Variants in ZBTB46 observed in about 807,000 individuals in gnomAD.
ZBTB46 encodes the protein zinc finger and BTB domain-containing protein 46.
A neutral mutation model predicts 44.1 loss-of-function variants in ZBTB46; 8 were observed. That is an observed-to-expected ratio of 0.18 (90% CI 0.11 to 0.33). The LOEUF (loss-of-function observed/expected upper bound fraction) is 0.33. Ranked by LOEUF, ZBTB46 falls within the 10% of genes least tolerant of loss-of-function variation. ZBTB46 has a pLI of 1.00. For synonymous variants in ZBTB46, 409 were observed against 382.3 expected, an observed-to-expected ratio of 1.07 and a Z score of -0.81; for missense variants, 651 against 847.7, an observed-to-expected ratio of 0.77 and a Z score of 2.88.
At chr20:63,797,250 G>A (rs1439022927) in intron 1 of ZBTB46, among the ~76,000 whole-genome samples, 1 of 146,608 alleles carries the variant, frequency 6.8e-6, no homozygotes, top group East Asian at 2.0e-4. Context: ...AGAACATGCA[G>A]TGTTTGGTTT....
intron 3 of ZBTB46, among the ~76,000 whole-genome samples, chr20:63,765,576 A>G (rs1167633863): frequency 6.6e-6 from 1 of 152,176 alleles, no homozygotes; most frequent in African/African-American, 2.4e-5. Context: ...CCACACGTGC[A>G]CAGCACCACG....
Position 63,783,593 on chromosome 20 carries a change from C to T in ZBTB46, c.937+6228G>A, listed in dbSNP as rs191638482. 6.7e-4 allele frequency among the ~76,000 whole-genome samples: 102 copies of T among 152,298 alleles called. 1 individual carries two copies. In the South Asian group the frequency reaches 0.011, roughly 16 times the overall value. On this transcript the variant is annotated intron_variant, in intron 2 of 4. Transcript: ENST00000245663. The stretch of plus-strand genomic sequence containing the variant: ...ACTGTAATGTGATCAAAGCTGATTG[C>T]AGGTAATTCTGTTCATACCTGAAAG...
intron 3 of ZBTB46, among the ~76,000 whole-genome samples, chr20:63,759,387 TTTTTC>T (rs1458073094): frequency 6.6e-6 from 1 of 152,158 alleles, no homozygotes. Flanking sequence ...CATTCATTTC[TTTTTC>T]TTTTTTTTCT....
rs770365084 is a variant in ZBTB46, at chr20:63,775,787, G to A, written c.1113C>T (p.Arg371=). ...GGCTGTTCTTACTCATGAGCGCCGC[G>A]CGCAGGTTGGCCACCGCGGTGGCCT... ...LHQATAVANL[R]AALMSKNSLL... Residue 371 remains arginine (R), a synonymous_variant, in exon 3 of 5, where the codon CGC becomes CGT. Transcript: ENST00000245663. 17 of 1,613,386 alleles carry A rather than the reference G, an allele frequency of 1.1e-5. No individual in the cohort carries two copies. In the East Asian group the frequency reaches 2.2e-4, roughly 21 times the overall value.
At chr20:63,771,599 C>T (rs1482773846) in intron 3 of ZBTB46, among the ~76,000 whole-genome samples, 4 of 152,088 alleles carry the variant, frequency 2.6e-5, no homozygotes, top group Non-Finnish European at 5.9e-5. Flanking sequence ...CCGCGGCAGC[C>T]CCCCGAGAGG....
At chr20:63,819,361 A>C (rs1164128736) in intron 1 of ZBTB46, among the ~76,000 whole-genome samples, 2 of 152,178 alleles carry the variant, frequency 1.3e-5, no homozygotes, top group African/African-American at 4.8e-5. Flanking sequence ...GCGCATCCCG[A>C]AGAAGACGAG....
chr20:63,821,257 C>T (rs1159652948), intron 1 of ZBTB46, among the ~76,000 whole-genome samples: 1 of 151,544 alleles, frequency 6.6e-6, no homozygotes, highest in East Asian at 1.9e-4. Context: ...CAGGATCCAC[C>T]CACCTCAGCC....
chr20:63,756,742 G>A (rs6011084), intron 3 of ZBTB46, among the ~76,000 whole-genome samples: 2,578 of 152,256 alleles, frequency 0.017, 82 homozygotes, highest in African/African-American at 0.059. Context: ...ATCACCACAC[G>A]TTTTATTGCC....
At chr20:63,747,936 G>A (rs532269413) in intron 4 of ZBTB46, among the ~76,000 whole-genome samples, 9 of 152,318 alleles carry the variant, frequency 5.9e-5, no homozygotes, top group East Asian at 1.9e-4. Flanking sequence ...TGAGGGCCCC[G>A]CATTGGACTG....
intron 3 of ZBTB46, among the ~76,000 whole-genome samples, chr20:63,763,454 G>A (rs542722809): frequency 2.4e-4 from 36 of 152,316 alleles, no homozygotes; most frequent in African/African-American, 8.4e-4. Context: ...GGAGACCTTA[G>A]GGAGCTTCCA....
At chr20:63,786,127 C>T (rs1321081999) in intron 2 of ZBTB46, among the ~76,000 whole-genome samples, 3 of 152,158 alleles carry the variant, frequency 2.0e-5, no homozygotes, top group Non-Finnish European at 4.4e-5. Context: ...GACCCTGCAG[C>T]GCATCTGTAA....
At chr20:63,807,734 G>A (rs929332227) in intron 1 of ZBTB46, among the ~76,000 whole-genome samples, 3 of 152,246 alleles carry the variant, frequency 2.0e-5, no homozygotes, top group Admixed American at 6.5e-5. Context: ...TTGCTTAAAA[G>A]CTGTACTAGG....
Position 63,767,269 on chromosome 20 carries a change from G to A in ZBTB46, c.1222+8409C>T, listed in dbSNP as rs1196171616. Reference sequence around the variant, plus strand: ...CCCACGGATGGGGACATGTTTTCCCGCCCCTGAAAGCCCCCCGTCCCCACA... The same window carrying A: ...CCCACGGATGGGGACATGTTTTCCCACCCCTGAAAGCCCCCCGTCCCCACA... On this transcript the variant is annotated intron_variant, in intron 3 of 4. Transcript: ENST00000245663. This position sits in a 1 kb window ranked among gnomAD's most constrained non-coding sequence, Gnocchi z 5.0. Among the ~76,000 whole-genome samples, 3 of 151,748 alleles carry A rather than the reference G, an allele frequency of 2.0e-5. No homozygotes were observed. The highest frequency in any genetic ancestry group is 2.9e-5 in the Non-Finnish European group (2 of 67,954).
At chr20:63,781,551 G>A (rs6011110) in intron 2 of ZBTB46, among the ~76,000 whole-genome samples, 35,899 of 152,236 alleles carry the variant, frequency 0.24, 4,301 homozygotes, top group Middle Eastern at 0.37. Context: ...AGCACTGTAG[G>A]AGGCCGAGGC....
intron 3 of ZBTB46, among the ~76,000 whole-genome samples, chr20:63,772,637 G>A (rs757702215): frequency 1.4e-4 from 21 of 152,116 alleles, no homozygotes; most frequent in Non-Finnish European, 2.5e-4. Context: ...GAGAATTGCT[G>A]GAGCCCGGGA....
chr20:63,791,991 G>A (rs772191520), intron 1 of ZBTB46, among the ~76,000 whole-genome samples: 4 of 152,130 alleles, frequency 2.6e-5, no homozygotes, highest in Non-Finnish European at 4.4e-5. Flanking sequence ...TCCCCCAGCC[G>A]GCGTTCTGTG....
At chr20:63,776,256 A>G (rs1318113965) in intron 2 of ZBTB46, among the ~76,000 whole-genome samples, 1 of 152,238 alleles carries the variant, frequency 6.6e-6, no homozygotes, top group Non-Finnish European at 1.5e-5. Context: ...GGCGCTGCAG[A>G]CCTGGTACCT....
intron 1 of ZBTB46, among the ~76,000 whole-genome samples, chr20:63,806,211 G>A (rs2092680215): frequency 6.6e-6 from 1 of 151,080 alleles, no homozygotes; most frequent in Admixed American, 6.6e-5. Flanking sequence ...AGACCAACCT[G>A]GCCAACATAG....
intron 2 of ZBTB46, among the ~76,000 whole-genome samples, chr20:63,776,790 C>T (rs1392482247): frequency 1.4e-5 from 2 of 138,130 alleles, no homozygotes; most frequent in East Asian, 4.1e-4. Context: ...GGCGACAGAA[C>T]AACGCTCTGT....
Sources: allele counts gnomAD v4.1 joint callset (sites outside exome capture counted in the v4.1 genomes callset), GRCh38; gene constraint gnomAD v4.1.1; non-coding constraint Gnocchi (gnomAD v3.1); transcripts MANE v1.5; gene names NCBI Gene and HGNC (gene_info 2026-07-23, HGNC 2026-07-21).